The following XKR6 variants were observed in gnomAD, a reference collection of about 807,000 sequenced individuals.
XKR6 encodes the protein XK-related protein 6.
A neutral mutation model predicts 56.7 loss-of-function variants in XKR6; 22 were observed. The ratio of observed to expected loss-of-function variants is 0.39; its 90% CI spans 0.28 to 0.55. XKR6 has a LOEUF of 0.55. XKR6 is among the 20% of genes least tolerant of loss of function. The pLI is 0.66. For synonymous variants in XKR6, 524 were observed against 387.8 expected (o/e 1.35, Z -4.13); for missense variants, 852 against 889.0 (o/e 0.96, Z 0.53).
chr8:10,951,919 T>G (rs1372742164), intron 1 of XKR6, among the ~76,000 whole-genome samples: 3 of 151,772 alleles, frequency 2.0e-5, no homozygotes, highest in Non-Finnish European at 4.4e-5. Context: ...CTGGGCTGAG[T>G]GGGGACGACA....
chr8:11,133,062 G>A (rs1290848872), intron 1 of XKR6, among the ~76,000 whole-genome samples: 1 of 152,128 alleles, frequency 6.6e-6, no homozygotes, highest in Non-Finnish European at 1.5e-5. Flanking sequence ...AGGAGACAGT[G>A]AGTTTCAAGT....
intron 1 of XKR6, among the ~76,000 whole-genome samples, chr8:11,100,824 G>A (rs929772133): frequency 6.6e-6 from 1 of 152,230 alleles, no homozygotes; most frequent in African/African-American, 2.4e-5. Context: ...ATCATTTTAT[G>A]CTACAAAAGC....
At chr8:11,115,558 T>C (rs1478351313) in intron 1 of XKR6, among the ~76,000 whole-genome samples, 3 of 152,252 alleles carry the variant, frequency 2.0e-5, no homozygotes, top group Non-Finnish European at 4.4e-5. Flanking sequence ...ACTAACATTA[T>C]CGTTCAATGT....
chr8:11,112,942 G>A (rs541014076), intron 1 of XKR6, among the ~76,000 whole-genome samples: 23 of 152,296 alleles, frequency 1.5e-4, no homozygotes, highest in African/African-American at 5.5e-4. Context: ...TGTTTGTAGG[G>A]AAATTAAGTA....
chr8:11,040,359 TA>T (rs143219123), intron 1 of XKR6, among the ~76,000 whole-genome samples: 8,673 of 107,202 alleles, frequency 0.081, 518 homozygotes, highest in African/African-American at 0.19. Flanking sequence ...TCATGTCTGC[TA>T]AAAAAAAAAA....
At chr8:11,129,604 A>G (rs574457289) in intron 1 of XKR6, among the ~76,000 whole-genome samples, 37 of 152,238 alleles carry the variant, frequency 2.4e-4, no homozygotes, top group Non-Finnish European at 5.1e-4. Context: ...TGCGCTGTTA[A>G]GAAGACGTTT....
chr8:11,151,725 G>T (rs1801278823), intron 1 of XKR6, among the ~76,000 whole-genome samples: 1 of 150,994 alleles, frequency 6.6e-6, no homozygotes, highest in African/African-American at 2.4e-5. Flanking sequence ...TCTCAAGCTT[G>T]TTCAATATAT....
At chr8:11,027,097 C>G (rs559352444) in intron 1 of XKR6, among the ~76,000 whole-genome samples, 1 of 152,222 alleles carries the variant, frequency 6.6e-6, no homozygotes. Context: ...CTAGGCTATA[C>G]GGCATAGCCT....
intron 2 of XKR6, among the ~76,000 whole-genome samples, chr8:10,913,917 G>A (rs962369884): frequency 6.6e-6 from 1 of 152,172 alleles, no homozygotes; most frequent in Admixed American, 6.5e-5. Flanking sequence ...TGATTATGTT[G>A]CAGATAACAG....
rs139729212 is a variant in XKR6, at chr8:10,971,047, G to A, written c.765-46217C>T. ...GTCACATTCAACTTAGGAACCTGGCGTGTCTATTCTTTGACCTCTTCTGCT... is the reference window on the plus strand; with the variant it reads ...GTCACATTCAACTTAGGAACCTGGCATGTCTATTCTTTGACCTCTTCTGCT... On this transcript the variant is annotated intron_variant, in intron 1 of 2. Transcript: ENST00000416569. Among the ~76,000 whole-genome samples the A allele has an allele frequency of 1.5e-4, 23 of 151,464 alleles. No individual in the cohort carries two copies. In the East Asian group the frequency reaches 3.7e-3, roughly 25 times the overall value.
chr8:11,107,948 C>T (rs1352673569), intron 1 of XKR6: 1 of 288,234 alleles, frequency 3.5e-6, no homozygotes, highest in African/African-American at 2.3e-5. Context: ...CGGCACCACT[C>T]TGATGATGCT....
chr8:10,922,001 G>A (rs1586308568), intron 2 of XKR6, among the ~76,000 whole-genome samples: 1 of 152,188 alleles, frequency 6.6e-6, no homozygotes, highest in African/African-American at 2.4e-5. Context: ...GCTTCATACA[G>A]CATGCAGCTA....
chr8:11,051,428 G>A (rs555742889), intron 1 of XKR6, among the ~76,000 whole-genome samples: 1 of 152,236 alleles, frequency 6.6e-6, no homozygotes, highest in East Asian at 1.9e-4. Flanking sequence ...TGTTTCACAG[G>A]CATCTCCAAC....
At chr8:11,198,127 G>C (rs887298822) in intron 1 of XKR6, among the ~76,000 whole-genome samples, 7 of 151,228 alleles carry the variant, frequency 4.6e-5, no homozygotes, top group Non-Finnish European at 1.0e-4. Flanking sequence ...TAAAAACAGA[G>C]ATGATGTATG....
rs569888624 is a variant in XKR6, at chr8:10,918,278, C to T, written c.961+6356G>A. Among the ~76,000 whole-genome samples, 5 of 152,310 alleles carry T rather than the reference C, an allele frequency of 3.3e-5. No individual in the cohort carries two copies. The South Asian group carries it at 1.0e-3, about 32-fold the overall frequency. The stretch of plus-strand genomic sequence containing the variant: ...GCTTCCTAGTAAGACAGTGAGGCTT[C>T]CCCCTGAGTGCTTGGAAGAGGCTCA... On this transcript the variant is annotated intron_variant, in intron 2 of 2. Coordinates refer to ENST00000416569, the MANE Select transcript of XKR6 (RefSeq NM_173683.4).
chr8:11,192,800 C>G (rs947915373), intron 1 of XKR6, among the ~76,000 whole-genome samples: 2 of 152,150 alleles, frequency 1.3e-5, no homozygotes, highest in Admixed American at 6.5e-5. Flanking sequence ...GTTAATGGCC[C>G]CGTGGGCTCT....
intron 1 of XKR6, among the ~76,000 whole-genome samples, chr8:11,094,083 CTTT>C: frequency 7.3e-6 from 1 of 137,838 alleles, no homozygotes; most frequent in South Asian, 2.3e-4. Flanking sequence ...CGCGCCCGGC[CTTT>C]TTTTTTTTTT....
intron 1 of XKR6, among the ~76,000 whole-genome samples, chr8:10,941,206 G>A (rs75363286): frequency 0.022 from 3,328 of 151,990 alleles, 136 homozygotes; most frequent in African/African-American, 0.076. Flanking sequence ...TCCTCCCACC[G>A]ACACCCTCCA....
intron 1 of XKR6, among the ~76,000 whole-genome samples, chr8:11,036,905 G>C (rs1470781867): frequency 6.6e-6 from 1 of 152,242 alleles, no homozygotes; most frequent in Non-Finnish European, 1.5e-5. Flanking sequence ...ATCCTAGGCA[G>C]TGCACACTGG....
Sources: allele counts gnomAD v4.1 joint callset (sites outside exome capture counted in the v4.1 genomes callset), GRCh38; gene constraint gnomAD v4.1.1; transcripts MANE v1.5; gene names NCBI Gene and HGNC (gene_info 2026-07-23, HGNC 2026-07-21).